LSM14A: variants seen among roughly 807,000 people sequenced by gnomAD.
The protein encoded by LSM14A is protein LSM14 homolog A.
In LSM14A, 14 loss-of-function variants were observed where a neutral mutation model predicts 52.4. The ratio of observed to expected loss-of-function variants is 0.27; its 90% CI spans 0.18 to 0.42. The LOEUF (loss-of-function observed/expected upper bound fraction) is 0.42. LSM14A is among the 10% of genes least tolerant of loss of function. The pLI is 1.00. For synonymous variants in LSM14A, 185 were observed against 200.3 expected (o/e 0.92, Z 0.64); for missense variants, 417 against 581.8 (o/e 0.72, Z 2.91).
intron 4 of LSM14A, 44 bp downstream of exon 4, chr19:34,209,095 T>C (rs1371231867): frequency 6.7e-7 from 1 of 1,494,486 alleles, no homozygotes; most frequent in South Asian, 1.3e-5. Flanking sequence ...TAAACTTTTA[T>C]AGTGGTTTTT....
chr19:34,181,308 T>A (rs950021539), intron 1 of LSM14A, among the ~76,000 whole-genome samples: 2 of 152,216 alleles, frequency 1.3e-5, no homozygotes, highest in African/African-American at 4.8e-5. Context: ...GTACTTGAAC[T>A]GAATTTCCTC....
chr19:34,184,466 A>T (rs2069738513), intron 1 of LSM14A, among the ~76,000 whole-genome samples: 1 of 152,186 alleles, frequency 6.6e-6, no homozygotes, highest in South Asian at 2.1e-4. Flanking sequence ...ATCAATTATC[A>T]ATTGGAGTAA....
At chr19:34,179,182 T>C (rs1174291587) in intron 1 of LSM14A, among the ~76,000 whole-genome samples, 2 of 152,264 alleles carry the variant, frequency 1.3e-5, no homozygotes, top group African/African-American at 4.8e-5. Context: ...TAAAATAAGT[T>C]GTTCTTAAAA....
intron 3 of LSM14A, chr19:34,208,622 C>T (rs2071884865): frequency 2.4e-5 from 5 of 204,900 alleles, no homozygotes; most frequent in African/African-American, 2.3e-5. Flanking sequence ...TGCTACTTCT[C>T]TAGTTGGTAT....
In LSM14A at chr19:34,209,016, A is replaced by C. The variant is rs1182169532; in HGVS notation, c.503A>C (p.Gln168Pro). 1.2e-6 allele frequency: 2 copies of C among 1,601,158 alleles called. No homozygotes were observed. Among genetic ancestry groups the C allele is most frequent in the Non-Finnish European group, 1.7e-6 (2 of 1,172,242 alleles). Residue 168 changes from glutamine to proline, a missense_variant, in exon 4 of 10, where the codon CAG (glutamine) becomes CCG (proline). Coordinates refer to ENST00000544216, the MANE Select transcript of LSM14A (RefSeq NM_015578.4). ...QSSAVGSAFT[Q>P]DTRSLKTQLS... ...AGTGCGGTTGGTTCTGCCTTTACAC[A>C]GGATACAAGATCTCTAAAAACACAG... is the stretch of plus-strand genomic sequence containing the variant.
intron 3 of LSM14A, among the ~76,000 whole-genome samples, chr19:34,198,519 G>A (rs2071040592): frequency 6.6e-6 from 1 of 152,194 alleles, no homozygotes; most frequent in African/African-American, 2.4e-5. Context: ...GGGAGGCTGA[G>A]GTAGGAGAAT....
chr19:34,219,775 A>G lies in LSM14A; in HGVS notation c.1034A>G (p.Gln345Arg). 2 of 1,613,860 alleles carry G rather than the reference A, an allele frequency of 1.2e-6. No homozygotes were observed. The highest frequency in any genetic ancestry group is 2.2e-5 in the South Asian group (2 of 91,076). Residue 345 changes from glutamine to arginine, a missense_variant, in exon 8 of 10, where the codon CAA (glutamine) becomes CGA (arginine). This residue lies in a region of LSM14A where 357 missense variants were observed against 457.0 expected (regional missense o/e 0.78). Coordinates refer to ENST00000544216, the MANE Select transcript of LSM14A (RefSeq NM_015578.4). Reference sequence around the variant, plus strand: ...AAAGGAGACTCAGGAGTTGATACCCAAAACAGTGAAGGAAATGCCGATGAA... The same window carrying G: ...AAAGGAGACTCAGGAGTTGATACCCGAAACAGTGAAGGAAATGCCGATGAA... ...EDKGDSGVDT[Q>R]NSEGNADEED...
At chr19:34,226,359 G>A (rs1248694354) in intron 9 of LSM14A, 2 of 1,400,894 alleles carry the variant, frequency 1.4e-6, no homozygotes, top group Non-Finnish European at 9.3e-7. Flanking sequence ...TCCCTCTCCT[G>A]TCCCCATCTC....
intron 3 of LSM14A, among the ~76,000 whole-genome samples, chr19:34,206,498 C>T (rs960696972): frequency 6.0e-5 from 9 of 150,360 alleles, no homozygotes; most frequent in Non-Finnish European, 1.2e-4. Flanking sequence ...GAAACCCTGT[C>T]TCTACTAAAA....
At chr19:34,195,918 A>C (rs970164373) in intron 2 of LSM14A, among the ~76,000 whole-genome samples, 1 of 152,232 alleles carries the variant, frequency 6.6e-6, no homozygotes, top group African/African-American at 2.4e-5. Flanking sequence ...TCATTCATTC[A>C]GTAGTATTTA....
At chr19:34,188,921 G>T in intron 1 of LSM14A, among the ~76,000 whole-genome samples, 1 of 151,726 alleles carries the variant, frequency 6.6e-6, no homozygotes, top group Non-Finnish European at 1.5e-5. Context: ...TGGCTGTTTT[G>T]AATAATGCTG....
At chr19:34,207,792 A>T (rs914092218) in intron 3 of LSM14A, among the ~76,000 whole-genome samples, 8 of 152,068 alleles carry the variant, frequency 5.3e-5, no homozygotes, top group African/African-American at 1.7e-4. Flanking sequence ...GCCTCCCAAA[A>T]TGCTGGGATT....
At chr19:34,187,611 T>C (rs1009133553) in intron 1 of LSM14A, among the ~76,000 whole-genome samples, 6 of 152,110 alleles carry the variant, frequency 3.9e-5, no homozygotes, top group African/African-American at 1.4e-4. Flanking sequence ...AATAGTGTCA[T>C]TTGGAGGGTA....
chr19:34,213,579 AT>A (rs773650805), intron 4 of LSM14A, among the ~76,000 whole-genome samples: 1 of 151,990 alleles, frequency 6.6e-6, no homozygotes, highest in Admixed American at 6.6e-5. Context: ...TGAAATGAGC[AT>A]TTTTTTTAAG....
chr19:34,172,983 G>A (rs976580164), intron 1 of LSM14A, among the ~76,000 whole-genome samples: 3 of 152,232 alleles, frequency 2.0e-5, no homozygotes, highest in African/African-American at 7.2e-5. Context: ...GAAGCCCGGG[G>A]AACTACGGGA....
intron 9 of LSM14A, among the ~76,000 whole-genome samples, chr19:34,225,559 G>A (rs2073297482): frequency 6.6e-6 from 1 of 152,112 alleles, no homozygotes; most frequent in South Asian, 2.1e-4. Flanking sequence ...AAATGAGCTT[G>A]GTTGTTTAAT....
intron 1 of LSM14A, among the ~76,000 whole-genome samples, chr19:34,179,085 C>T (rs570920410): frequency 3.3e-5 from 5 of 152,264 alleles, no homozygotes; most frequent in South Asian, 2.1e-4. Flanking sequence ...GTTAGCTTAC[C>T]TGGATAATCA....
intron 3 of LSM14A, among the ~76,000 whole-genome samples, chr19:34,207,180 C>G (rs959853489): frequency 2.0e-5 from 3 of 152,026 alleles, no homozygotes. Context: ...GGGGGTGTGG[C>G]ACGATCAGGA....
At chr19:34,196,826 A>G (rs975893133) in intron 3 of LSM14A, 63 bp downstream of exon 3, 27 of 1,420,550 alleles carry the variant, frequency 1.9e-5, no homozygotes, top group African/African-American at 2.9e-5. Flanking sequence ...CCACAAAGGT[A>G]TAGAAACTCA....
Sources: gnomAD v4.1 joint callset for allele counts (sites outside exome capture counted in the v4.1 genomes callset) on GRCh38, gnomAD v4.1.1 for gene constraint, gnomAD v4.1.1 regional missense constraint, MANE v1.5 for transcripts, NCBI Gene and HGNC (gene_info 2026-07-23, HGNC 2026-07-21) for gene names.